SGIP1: variants seen among roughly 807,000 people sequenced by gnomAD.
SGIP1 encodes the protein SH3GL interacting endocytic adaptor 1, also known as SH3-containing GRB2-like protein 3-interacting protein 1.
SGIP1 carries 38 observed loss-of-function variants against 107.5 expected under a neutral mutation model. That is an observed-to-expected ratio of 0.35 (90% CI 0.27 to 0.46). The LOEUF is 0.46. Among genes scored for constraint, SGIP1 ranks in the 20% least tolerant of loss-of-function variants. SGIP1 has a pLI of 1.00. For synonymous variants in SGIP1, 365 were observed against 366.1 expected (o/e 1.00, Z 0.03); for missense variants, 929 against 1,019.5 (o/e 0.91, Z 1.21).
Position 66,618,425 on chromosome 1 carries a change from A to C in SGIP1, c.11-7422A>C, listed in dbSNP as rs577809509. Among the ~76,000 whole-genome samples, 146 of 152,350 alleles carry C rather than the reference A, an allele frequency of 9.6e-4. 1 individual carries two copies. In the Middle Eastern group the frequency reaches 0.01, roughly 11 times the overall value. On this transcript the variant is annotated intron_variant, in intron 1 of 24. Transcript: ENST00000371037. ...GTTTAAAAAAAATGATTATATAAAC[A>C]CTAAGCAGCTTTTTAAGAAATTGTT...
At chr1:66,725,925 G>C (rs927627800) in intron 19 of SGIP1, among the ~76,000 whole-genome samples, 1 of 152,234 alleles carries the variant, frequency 6.6e-6, no homozygotes, top group African/African-American at 2.4e-5. Flanking sequence ...AGTGGAGAAG[G>C]TGTGAACATG....
In SGIP1 at chr1:66,569,968, G is replaced by T. The variant is rs1467185597; in HGVS notation, c.10+35600G>T. On this transcript the variant is annotated intron_variant, in intron 1 of 24. Transcript: ENST00000371037. ...GGTTTGACAGATTTTGTCTTTCAAG[G>T]AATTGGTTCATTTGATCTCGGTTAT... Among the ~76,000 whole-genome samples, 3 of 151,824 alleles carry T rather than the reference G, an allele frequency of 2.0e-5. No homozygotes were observed. The East Asian group carries it at 5.8e-4, about 29-fold the overall frequency.
At chr1:66,714,511 T>C (rs1481621454) in intron 18 of SGIP1, among the ~76,000 whole-genome samples, 1 of 152,174 alleles carries the variant, frequency 6.6e-6, no homozygotes, top group East Asian at 1.9e-4. Context: ...GCCCTCACCA[T>C]CTTGTACATG....
chr1:66,632,776 G>A (rs1366076628), intron 2 of SGIP1, among the ~76,000 whole-genome samples: 1 of 152,188 alleles, frequency 6.6e-6, no homozygotes, highest in East Asian at 1.9e-4. Context: ...GCCAGCTAGA[G>A]TGGAGTCTCT....
chr1:66,597,845 T>G (rs895616637), intron 1 of SGIP1, among the ~76,000 whole-genome samples: 4 of 152,194 alleles, frequency 2.6e-5, no homozygotes, highest in African/African-American at 9.7e-5. Context: ...TAAGCAAGAT[T>G]CACATGCTTG....
At chr1:66,613,026 A>G (rs4655501) in intron 1 of SGIP1, among the ~76,000 whole-genome samples, 22,415 of 152,234 alleles carry the variant, frequency 0.15, 2,178 homozygotes, top group East Asian at 0.46. Context: ...TTCATAACTC[A>G]GATATAGATC....
intron 1 of SGIP1, among the ~76,000 whole-genome samples, chr1:66,593,335 G>A (rs2064007896): frequency 6.6e-6 from 1 of 152,176 alleles, no homozygotes; most frequent in African/African-American, 2.4e-5. Flanking sequence ...GGATCATTCA[G>A]TAAGAGTATG....
At chr1:66,736,089 ATATT>A (rs1418569176) in intron 21 of SGIP1, among the ~76,000 whole-genome samples, 1 of 148,224 alleles carries the variant, frequency 6.7e-6, no homozygotes, top group African/African-American at 2.4e-5. Flanking sequence ...AATAATATAA[ATATT>A]TATTTATAAT....
chr1:66,565,575 G>C (rs2059530769), intron 1 of SGIP1, among the ~76,000 whole-genome samples: 1 of 151,868 alleles, frequency 6.6e-6, no homozygotes, highest in Non-Finnish European at 1.5e-5. Context: ...AGTGAGAGAG[G>C]TATGAGCAGA....
chr1:66,643,942 C>T (rs1380691668), intron 7 of SGIP1: 6 of 318,562 alleles, frequency 1.9e-5, no homozygotes, highest in Non-Finnish European at 3.4e-5. Context: ...ATATATGGAA[C>T]CACATTTTCT....
chr1:66,678,728 A>C (rs115052650), intron 13 of SGIP1, among the ~76,000 whole-genome samples: 346 of 152,252 alleles, frequency 2.3e-3, no homozygotes, highest in African/African-American at 8.0e-3. Flanking sequence ...GAAGGGGAGG[A>C]GGAGGGAGGA....
At chr1:66,714,449 A>G (rs1463026351) in intron 18 of SGIP1, among the ~76,000 whole-genome samples, 2 of 152,128 alleles carry the variant, frequency 1.3e-5, no homozygotes, top group Non-Finnish European at 2.9e-5. Flanking sequence ...GGCATACATT[A>G]TTGTTATTTA....
intron 1 of SGIP1, among the ~76,000 whole-genome samples, chr1:66,589,422 A>G (rs2063258758): frequency 6.6e-6 from 1 of 151,786 alleles, no homozygotes; most frequent in Non-Finnish European, 1.5e-5. Flanking sequence ...AAACAAACAA[A>G]ACAAATTCCC....
At chr1:66,671,798 G>A in intron 10 of SGIP1, 146 bp from the exon 11 acceptor site, 1 of 689,044 alleles carries the variant, frequency 1.5e-6, no homozygotes, top group Non-Finnish European at 2.5e-6. Context: ...TGCATTGCCA[G>A]GGGAGAAGGT....
At chr1:66,740,777 G>A (rs910393313) in intron 23 of SGIP1, 55 bp downstream of exon 23, 9 of 1,221,206 alleles carry the variant, frequency 7.4e-6, no homozygotes, top group Non-Finnish European at 1.1e-5. Flanking sequence ...ATGGCTTTAG[G>A]TATTTGCCAA....
rs769363860 is a variant in SGIP1, at chr1:66,740,626, A to G, written c.2235-32A>G. The G allele has an allele frequency of 1.1e-5, 16 of 1,457,910 alleles. No homozygotes were observed. In the South Asian group the frequency reaches 1.7e-4, roughly 15 times the overall value. The allele number at this position is 1,457,910 out of a possible 1,614,324, so 90.3% of individuals were successfully genotyped here. A position where few individuals can be genotyped will look rare whatever the true frequency, so the allele number is the denominator to read the frequency against. ...ATCCAGTAAACAAAAACTCTTGGAT[A>G]TGCAAAAACCTTTTACCTAATTTAT... On this transcript the variant is annotated intron_variant, in intron 22 of 24. Coordinates refer to ENST00000371037, the MANE Select transcript of SGIP1 (RefSeq NM_032291.4).
At chr1:66,742,393 A>G (rs2094473899) in intron 24 of SGIP1, among the ~76,000 whole-genome samples, 1 of 146,516 alleles carries the variant, frequency 6.8e-6, no homozygotes, top group Non-Finnish European at 1.5e-5. Flanking sequence ...TGATGTAATT[A>G]TTAATTATAC....
At chr1:66,631,573 G>T (rs936988972) in intron 2 of SGIP1, among the ~76,000 whole-genome samples, 2 of 152,090 alleles carry the variant, frequency 1.3e-5, no homozygotes, top group African/African-American at 4.8e-5. Flanking sequence ...AGAATATTCT[G>T]CTAATTTTGA....
intron 7 of SGIP1, among the ~76,000 whole-genome samples, chr1:66,652,858 G>A (rs912888055): frequency 1.3e-5 from 2 of 152,206 alleles, no homozygotes; most frequent in African/African-American, 4.8e-5. Flanking sequence ...AAGATTGCAT[G>A]CATTCTGATG....
Sources: allele counts gnomAD v4.1 joint callset (sites outside exome capture counted in the v4.1 genomes callset), GRCh38; gene constraint gnomAD v4.1.1; transcripts MANE v1.5; gene names NCBI Gene and HGNC (gene_info 2026-07-23, HGNC 2026-07-21).